Variants in GRID2 observed in about 807,000 individuals in gnomAD.
The protein encoded by GRID2 is glutamate receptor ionotropic, delta-2.
Under a neutral mutation model 114.8 loss-of-function variants are expected in GRID2, and 33 were observed. The ratio of observed to expected loss-of-function variants is 0.29; its 90% CI spans 0.22 to 0.38. GRID2 has a LOEUF of 0.38. GRID2 is among the 10% of genes least tolerant of loss of function. The pLI is 1.00. For synonymous variants in GRID2, 505 were observed against 449.9 expected, an observed-to-expected ratio of 1.12 and a Z score of -1.55; for missense variants, 1,184 against 1,257.7, an observed-to-expected ratio of 0.94 and a Z score of 0.89.
chr4:92,630,210 G>A (rs1370411631), intron 2 of GRID2, among the ~76,000 whole-genome samples: 1 of 152,004 alleles, frequency 6.6e-6, no homozygotes, highest in African/African-American at 2.4e-5. Flanking sequence ...CTGATTATGT[G>A]TTTTGAGGGA....
chr4:92,353,492 AT>A lies in GRID2; in HGVS notation c.88+48753del, dbSNP rs539808199. Among the ~76,000 whole-genome samples the A allele has an allele frequency of 1.6e-3, 243 of 151,920 alleles. 2 individuals carry two copies. Among genetic ancestry groups the A allele is most frequent in the African/African-American group, 5.7e-3 (237 of 41,484 alleles). On this transcript the variant is annotated intron_variant, in intron 1 of 15. Coordinates refer to ENST00000282020, the MANE Select transcript of GRID2 (RefSeq NM_001510.4). ...TCCTCCTTCCTCAGGGTTTGTTGTT[AT>A]TTTTGTTTTTGGAGTCTCTAATCAT... is the stretch of plus-strand genomic sequence containing the variant.
chr4:93,644,975 G>C (rs1429904153), intron 14 of GRID2, among the ~76,000 whole-genome samples: 1 of 152,180 alleles, frequency 6.6e-6, no homozygotes. Flanking sequence ...AGAAGGCAGA[G>C]ATTTGTGTCT....
intron 13 of GRID2, among the ~76,000 whole-genome samples, chr4:93,584,099 C>T (rs922094707): frequency 2.0e-5 from 3 of 152,120 alleles, no homozygotes; most frequent in Admixed American, 6.6e-5. Flanking sequence ...TTCATAAAGA[C>T]ACAACTGTTT....
intron 13 of GRID2, among the ~76,000 whole-genome samples, chr4:93,545,362 A>C (rs879570588): frequency 1.3e-5 from 2 of 152,192 alleles, no homozygotes; most frequent in Non-Finnish European, 2.9e-5. Flanking sequence ...GATAAGATTT[A>C]GTAGCTATGG....
chr4:92,862,421 A>G (rs1460517831), intron 2 of GRID2, among the ~76,000 whole-genome samples: 2 of 151,970 alleles, frequency 1.3e-5, no homozygotes, highest in African/African-American at 4.8e-5. Flanking sequence ...ATTTTCTACA[A>G]AGTGAAAATT....
At chr4:93,052,390 G>A (rs1267293003) in intron 2 of GRID2, among the ~76,000 whole-genome samples, 13 of 151,874 alleles carry the variant, frequency 8.6e-5, no homozygotes, top group Admixed American at 8.6e-4. Flanking sequence ...AGGTGATTTT[G>A]TAGTTGTAGG....
chr4:92,826,812 T>C (rs1038499179), intron 2 of GRID2, among the ~76,000 whole-genome samples: 3 of 152,122 alleles, frequency 2.0e-5, no homozygotes, highest in African/African-American at 7.2e-5. Context: ...GTTTTTCATA[T>C]AACAATTAGA....
intron 9 of GRID2, among the ~76,000 whole-genome samples, chr4:93,420,811 T>C (rs183496940): frequency 0.012 from 1,890 of 152,026 alleles, 45 homozygotes; most frequent in African/African-American, 0.043. Context: ...TGGAGTGCAA[T>C]GGTGTGATCT....
chr4:93,324,951 C>T (rs554941301), intron 8 of GRID2, among the ~76,000 whole-genome samples: 21 of 152,000 alleles, frequency 1.4e-4, no homozygotes, highest in East Asian at 5.8e-4. Flanking sequence ...GTCTTGCTAG[C>T]GGTCTATCAA....
chr4:93,272,584 A>G (rs1480817896), intron 8 of GRID2, among the ~76,000 whole-genome samples: 1 of 152,172 alleles, frequency 6.6e-6, no homozygotes, highest in African/African-American at 2.4e-5. Context: ...GCAACTATGA[A>G]CTATTCACCG....
intron 14 of GRID2, among the ~76,000 whole-genome samples, chr4:93,631,614 A>C (rs1203521918): frequency 1.3e-5 from 2 of 152,134 alleles, no homozygotes; most frequent in Non-Finnish European, 2.9e-5. Flanking sequence ...CCAGTCTATC[A>C]TTGTTGGACA....
intron 1 of GRID2, among the ~76,000 whole-genome samples, chr4:92,385,835 AAAT>A (rs549836875): frequency 2.0e-3 from 303 of 150,746 alleles, no homozygotes; most frequent in African/African-American, 7.0e-3. Context: ...AATATAGAAA[AAAT>A]ATTTAACTTT....
chr4:93,062,312 A>G (rs1402404400), intron 2 of GRID2, among the ~76,000 whole-genome samples: 1 of 152,104 alleles, frequency 6.6e-6, no homozygotes, highest in Non-Finnish European at 1.5e-5. Flanking sequence ...TTTTATATTT[A>G]CCAAAATTTC....
At position 92,470,229 on chromosome 4, in the gene GRID2, A is replaced by C. The variant is rs369100961; in HGVS notation, c.89-119902A>C. Among the ~76,000 whole-genome samples the C allele has an allele frequency of 2.2e-4, 34 of 152,082 alleles. No individual in the cohort carries two copies. The East Asian group carries it at 6.0e-3, about 27-fold the overall frequency. On this transcript the variant is annotated intron_variant, in intron 1 of 15. Coordinates refer to ENST00000282020, the MANE Select transcript of GRID2 (RefSeq NM_001510.4). ...AGCTATAATTGGATGTGGAACACTC[A>C]ATTTGAGAGAATTTTCACAGAATGC...
intron 8 of GRID2, among the ~76,000 whole-genome samples, chr4:93,290,872 C>CTATTTTTTT (rs1753668604): frequency 1.1e-5 from 1 of 88,530 alleles, no homozygotes. Flanking sequence ...ATACAAGTTA[C>CTATTTTTTT]TTTTTTTTTT....
intron 8 of GRID2, among the ~76,000 whole-genome samples, chr4:93,311,160 G>T (rs1165242660): frequency 6.6e-6 from 1 of 152,188 alleles, no homozygotes; most frequent in Non-Finnish European, 1.5e-5. Flanking sequence ...AGAATCAAGA[G>T]TTGGTGGGAA....
In GRID2 at chr4:93,608,001, G is replaced by A. The variant is rs1018765801; in HGVS notation, c.2194-18268G>A. On this transcript the variant is annotated intron_variant, in intron 13 of 15. Transcript: ENST00000282020. ...TGAATGGTGTTTTTTCTCATACAAA[G>A]CTACTTTTAAATGCTTCATATAAAC... Among the ~76,000 whole-genome samples, 13 of 150,660 alleles carry A rather than the reference G, an allele frequency of 8.6e-5. No individual in the cohort carries two copies. The Admixed American group carries it at 8.6e-4, about 10-fold the overall frequency.
chr4:93,705,594 G>A (rs1727927372), intron 14 of GRID2, among the ~76,000 whole-genome samples: 1 of 152,110 alleles, frequency 6.6e-6, no homozygotes, highest in South Asian at 2.1e-4. Flanking sequence ...TCCCTTGTCA[G>A]ATGGATAGTT....
intron 1 of GRID2, among the ~76,000 whole-genome samples, chr4:93,790,184 G>T (rs1455329415): frequency 7.2e-6 from 1 of 139,510 alleles, no homozygotes; most frequent in Non-Finnish European, 1.5e-5. Context: ...GTGCCAAAAA[G>T]CCTGGGGACC....
Sources: gnomAD v4.1 joint callset for allele counts (sites outside exome capture counted in the v4.1 genomes callset) on GRCh38, gnomAD v4.1.1 for gene constraint, MANE v1.5 for transcripts, NCBI Gene and HGNC (gene_info 2026-07-23, HGNC 2026-07-21) for gene names.